Variants in KSR2 observed in about 807,000 individuals in gnomAD.
KSR2 encodes the protein kinase suppressor of ras 2.
A neutral mutation model predicts 107.8 loss-of-function variants in KSR2; 25 were observed. The ratio of observed to expected loss-of-function variants is 0.23; its 90% confidence interval spans 0.17 to 0.32. KSR2 has a LOEUF of 0.32. Among genes scored for constraint, KSR2 ranks in the 10% least tolerant of loss-of-function variants. KSR2 has a pLI of 1.00. For synonymous variants in KSR2, 480 were observed against 507.0 expected (o/e 0.95, Z 0.71); for missense variants, 887 against 1,268.9 (o/e 0.70, Z 4.57).
intron 1 of KSR2, among the ~76,000 whole-genome samples, chr12:117,876,770 T>C (rs1893868009): frequency 6.7e-6 from 1 of 149,044 alleles, no homozygotes; most frequent in Non-Finnish European, 1.5e-5. Flanking sequence ...TATATTTATA[T>C]ATATATAACA....
rs1874516166 is a variant in KSR2 at position 117,518,246 on chromosome 12, A to T, written c.2219+6606T>A. Among the ~76,000 whole-genome samples, 2 of 152,182 alleles carry T rather than the reference A, an allele frequency of 1.3e-5. 1 individual carries two copies. Among genetic ancestry groups the T allele is most frequent in the South Asian group, 4.1e-4 (2 of 4,830 alleles). Reference sequence around the variant, plus strand: ...GTGACATGCGCCAAATGAGAAATTTAAAAAATCATCCTGGGGGGCATGGGG... The same window carrying T: ...GTGACATGCGCCAAATGAGAAATTTTAAAAATCATCCTGGGGGGCATGGGG... On this transcript the variant is annotated intron_variant, in intron 14 of 19. Coordinates refer to ENST00000339824, the MANE Select transcript of KSR2 (RefSeq NM_173598.6).
intron 4 of KSR2, among the ~76,000 whole-genome samples, chr12:117,750,268 AAG>A (rs1368519723): frequency 1.3e-5 from 2 of 150,046 alleles, no homozygotes; most frequent in South Asian, 2.1e-4. Context: ...AAAAAAAAAA[AAG>A]AAGAACTTTC....
rs533760573 is a variant in KSR2, at chr12:117,693,379, C to T, written c.987-25721G>A. Among the ~76,000 whole-genome samples, 273 of 152,342 alleles carry T rather than the reference C, an allele frequency of 1.8e-3. 2 individuals are homozygous for T. The highest frequency in any genetic ancestry group is 3.4e-3 in the Non-Finnish European group (228 of 68,036). On this transcript the variant is annotated intron_variant, in intron 4 of 19. Coordinates refer to ENST00000339824, the MANE Select transcript of KSR2 (RefSeq NM_173598.6). ...TATGGGCCACAAATGACTTCCCATT[C>T]ACCCTCCATGGAAGCCTAGAGGATT...
At chr12:117,494,648 C>T (rs1168393673) in intron 14 of KSR2, among the ~76,000 whole-genome samples, 1 of 152,184 alleles carries the variant, frequency 6.6e-6, no homozygotes, top group Non-Finnish European at 1.5e-5. Context: ...AGACCTAGTC[C>T]TTAATCCTAC....
At chr12:117,794,480 GCA>G (rs1442565906) in intron 3 of KSR2, among the ~76,000 whole-genome samples, 1 of 104,044 alleles carries the variant, frequency 9.6e-6, no homozygotes. Context: ...ACACCAACAT[GCA>G]CACTCACACC....
At chr12:117,648,361 C>A (rs16947840) in intron 5 of KSR2, among the ~76,000 whole-genome samples, 1 of 152,052 alleles carries the variant, frequency 6.6e-6, no homozygotes, top group African/African-American at 2.4e-5. Context: ...CACCATTGTC[C>A]GACACCAACT....
intron 3 of KSR2, among the ~76,000 whole-genome samples, chr12:117,840,931 G>A (rs1279801587): frequency 6.6e-6 from 1 of 152,066 alleles, no homozygotes; most frequent in East Asian, 1.9e-4. Context: ...GAACCTGGGA[G>A]GCAGAGGTTG....
intron 1 of KSR2, among the ~76,000 whole-genome samples, chr12:117,900,040 C>G (rs545087896): frequency 2.0e-5 from 3 of 152,312 alleles, no homozygotes; most frequent in Non-Finnish European, 4.4e-5. Flanking sequence ...GCAGCCCAGC[C>G]AACACTTTGA....
At chr12:117,712,093 T>C (rs570670459) in intron 4 of KSR2, among the ~76,000 whole-genome samples, 10 of 152,330 alleles carry the variant, frequency 6.6e-5, no homozygotes, top group African/African-American at 2.4e-4. Flanking sequence ...AGCTCATGCA[T>C]GTCTCACTCC....
chr12:117,629,149 G>A (rs943960845), intron 5 of KSR2, among the ~76,000 whole-genome samples: 71 of 152,228 alleles, frequency 4.7e-4, no homozygotes, highest in African/African-American at 1.7e-3. Context: ...CCAACCCCAT[G>A]CGCTTCCCAG....
intron 4 of KSR2, among the ~76,000 whole-genome samples, chr12:117,668,987 C>T (rs1327754121): frequency 6.6e-6 from 1 of 152,098 alleles, no homozygotes; most frequent in Non-Finnish European, 1.5e-5. Flanking sequence ...TCCAGGGACC[C>T]CTCAGCTCAC....
chr12:117,583,456 G>A (rs1733245341), intron 5 of KSR2, among the ~76,000 whole-genome samples: 1 of 149,482 alleles, frequency 6.7e-6, no homozygotes, highest in Admixed American at 6.6e-5. Context: ...TGGATGGATG[G>A]ATGGATGGGT....
intron 14 of KSR2, among the ~76,000 whole-genome samples, chr12:117,496,983 TTGTACATGGTGGTACACACC>T (rs995390233): frequency 2.0e-5 from 3 of 151,504 alleles, no homozygotes; most frequent in Admixed American, 6.6e-5. Flanking sequence ...CCCAAGTAGC[TTGTACATGGTGGTACACACC>T]TGTACATGGT....
chr12:117,707,932 A>T (rs1426045287), intron 4 of KSR2, among the ~76,000 whole-genome samples: 2 of 152,170 alleles, frequency 1.3e-5, no homozygotes, highest in African/African-American at 4.8e-5. Flanking sequence ...GATCCAAGAG[A>T]TGCTGATAGA....
intron 1 of KSR2, among the ~76,000 whole-genome samples, chr12:117,945,950 G>A (rs1196527181): frequency 2.0e-5 from 3 of 152,066 alleles, no homozygotes; most frequent in East Asian, 3.9e-4. Flanking sequence ...AGCACTTAGA[G>A]ATTAAACAAA....
intron 1 of KSR2, among the ~76,000 whole-genome samples, chr12:117,965,940 C>T (rs1018626702): frequency 6.6e-6 from 1 of 152,198 alleles, no homozygotes; most frequent in African/African-American, 2.4e-5. Context: ...CCCTCCCTAA[C>T]CCTGCAAATC....
Position 117,465,064 on chromosome 12 carries a change from A to C in KSR2, c.*2135T>G, listed in dbSNP as rs1871080187. The C allele has an allele frequency of 6.6e-6, 1 of 152,264 alleles. No homozygotes were observed. The highest frequency in any genetic ancestry group is 1.9e-4 in the East Asian group (1 of 5,188). The allele number at this position is 152,264 out of a possible 1,614,324, so 9.4% of individuals were successfully genotyped here. On this transcript the variant is annotated 3_prime_UTR_variant, in exon 20 of 20. Coordinates refer to ENST00000339824, the MANE Select transcript of KSR2 (RefSeq NM_173598.6). ...ATATCCTGTCTCTTGGCACAAGGGAACATGACAAGGACTGGAGCCTGTGGA... is the reference window on the plus strand; with the variant it reads ...ATATCCTGTCTCTTGGCACAAGGGACCATGACAAGGACTGGAGCCTGTGGA...
chr12:117,640,221 C>T (rs1883293974), intron 5 of KSR2, among the ~76,000 whole-genome samples: 2 of 147,666 alleles, frequency 1.4e-5, no homozygotes, highest in Admixed American at 1.4e-4. Context: ...ATGGGGGGTT[C>T]CAATGAAGCT....
rs758100714 is a variant in KSR2 at position 117,460,960 on chromosome 12, C to T, written c.*6239G>A. 1 of 152,270 alleles carries T rather than the reference C, an allele frequency of 6.6e-6. No homozygotes were observed. The highest frequency in any genetic ancestry group is 1.5e-5 in the Non-Finnish European group (1 of 68,108). The allele number at this position is 152,270 out of a possible 1,614,324, so 9.4% of individuals were successfully genotyped here. On this transcript the variant is annotated 3_prime_UTR_variant, in exon 20 of 20. Coordinates refer to ENST00000339824, the MANE Select transcript of KSR2 (RefSeq NM_173598.6). ...CTGGGCCACCTGACTCAATGGGTCGCTTCATACGTCACAGATATTAAACCT... is the reference window on the plus strand; with the variant it reads ...CTGGGCCACCTGACTCAATGGGTCGTTTCATACGTCACAGATATTAAACCT...
Sources: allele counts gnomAD v4.1 joint callset (sites outside exome capture counted in the v4.1 genomes callset), GRCh38; gene constraint gnomAD v4.1.1; transcripts MANE v1.5; gene names NCBI Gene and HGNC (gene_info 2026-07-23, HGNC 2026-07-21).